OSBPL5: variants seen among roughly 807,000 people sequenced by gnomAD.
OSBPL5 encodes the protein oxysterol-binding protein-related protein 5.
In OSBPL5, 71 loss-of-function variants were observed where a neutral mutation model predicts 111.2. That is an observed-to-expected ratio of 0.64 (90% CI 0.53 to 0.78). The LOEUF is 0.78. Among genes scored for constraint, OSBPL5 ranks in the 30% least tolerant of loss-of-function variants. The pLI, the probability that OSBPL5 is intolerant of heterozygous loss-of-function variation, is 0.00. For synonymous variants in OSBPL5, 549 were observed against 513.9 expected, an observed-to-expected ratio of 1.07 and a Z score of -0.93; for missense variants, 1,210 against 1,189.3, an observed-to-expected ratio of 1.02 and a Z score of -0.26.
intron 1 of OSBPL5, among the ~76,000 whole-genome samples, chr11:3,156,913 C>A (rs542332829): frequency 6.6e-6 from 1 of 152,314 alleles, no homozygotes; most frequent in East Asian, 1.9e-4. Context: ...TTAAGACTTG[C>A]CCATGGCCCC....
intron 3 of OSBPL5, among the ~76,000 whole-genome samples, chr11:3,125,713 G>T (rs186791426): frequency 6.6e-6 from 1 of 151,978 alleles, no homozygotes; most frequent in African/African-American, 2.4e-5. Flanking sequence ...GCTGAGGCAG[G>T]GGCATGGTGT....
chr11:3,150,308 T>TAA (rs199620815), intron 1 of OSBPL5, among the ~76,000 whole-genome samples: 2 of 151,540 alleles, frequency 1.3e-5, no homozygotes, highest in African/African-American at 4.9e-5. Context: ...CAGCTTTTTT[T>TAA]AAAAAAAAAG....
At position 3,094,303 on chromosome 11, in the gene OSBPL5, C is replaced by G. The variant is rs773422443; in HGVS notation, c.1653G>C (p.Leu551=). ...GILYGTMTLE[L]GGKVTIECAK... ...CACACTCGATGGTGACCTTCCCACC[C>G]AGCTCCAGGGTCATCGTGCCATACA... Residue 551 remains leucine (L), a synonymous_variant, in exon 15 of 22, where the codon CTG becomes CTC. Transcript: ENST00000263650. 1 of 1,613,630 alleles carries G rather than the reference C, an allele frequency of 6.2e-7. No individual in the cohort carries two copies. The highest frequency in any genetic ancestry group is 8.5e-7 in the Non-Finnish European group (1 of 1,180,000).
chr11:3,090,739 C>T (rs376738709), intron 19 of OSBPL5, 43 bp from the exon 20 acceptor site: 10 of 1,568,838 alleles, frequency 6.4e-6, no homozygotes, highest in Admixed American at 1.8e-5. Context: ...CCACCCACGC[C>T]CCCTGCCCAG....
chr11:3,159,281 T>C (rs1846882515), intron 1 of OSBPL5, among the ~76,000 whole-genome samples: 6 of 152,118 alleles, frequency 3.9e-5, no homozygotes, highest in Admixed American at 3.9e-4. Context: ...TCTCACTACC[T>C]CTGTAGCTCG....
intron 12 of OSBPL5, 99 bp from the exon 13 acceptor site, chr11:3,101,798 C>T (rs767137987): frequency 4.6e-5 from 44 of 948,786 alleles, no homozygotes; most frequent in African/African-American, 9.8e-5. Context: ...CTGTCCCTGA[C>T]GCCACATCTT....
In OSBPL5 at chr11:3,140,333, C is replaced by T. The variant is rs562384579; in HGVS notation, c.-21-11164G>A. On this transcript the variant is annotated intron_variant, in intron 1 of 21. Coordinates refer to ENST00000263650, the MANE Select transcript of OSBPL5 (RefSeq NM_020896.4). The surrounding 1 kb of genome is among the most constrained non-coding windows in gnomAD (Gnocchi z 4.5). ...AGTGACACACACAGCCAAGCTCTCC[C>T]CTGTATCCCTCAGGTGCTGGACAGG... 1.1e-4 allele frequency among the ~76,000 whole-genome samples: 17 copies of T among 152,284 alleles called. No homozygotes were observed. In the East Asian group the frequency reaches 3.3e-3, roughly 29 times the overall value.
At chr11:3,153,472 C>A (rs972920874) in intron 1 of OSBPL5, among the ~76,000 whole-genome samples, 1 of 152,198 alleles carries the variant, frequency 6.6e-6, no homozygotes, top group Non-Finnish European at 1.5e-5. Context: ...AAAGCCCCCT[C>A]TAGCCTGAAG....
chr11:3,160,901 A>C (rs1846947749), intron 1 of OSBPL5: 1 of 152,132 alleles, frequency 6.6e-6, no homozygotes, highest in Non-Finnish European at 1.5e-5. Flanking sequence ...CCTTGCTCAG[A>C]AGCACAGGGC....
Position 3,096,751 on chromosome 11 carries a change from T to A in OSBPL5, c.1622-2417A>T, listed in dbSNP as rs1857268162. ...CTTCCAATTAATTCAGGGGAGAGCATGAAGGTGGGTGCATTGCTGTGCTGT... is the reference window on the plus strand; with the variant it reads ...CTTCCAATTAATTCAGGGGAGAGCAAGAAGGTGGGTGCATTGCTGTGCTGT... On this transcript the variant is annotated intron_variant, in intron 14 of 21. Coordinates refer to ENST00000263650, the MANE Select transcript of OSBPL5 (RefSeq NM_020896.4). 2.6e-5 allele frequency among the ~76,000 whole-genome samples: 4 copies of A among 152,004 alleles called. No homozygotes were observed. The South Asian group carries it at 8.3e-4, about 32-fold the overall frequency.
Position 3,161,058 on chromosome 11 carries a change from T to A in OSBPL5, c.-22+4158A>T, listed in dbSNP as rs762786636. ...GGATGAAGGGAAGGCGACCCCAGGC[T>A]GGTCACAACAGGCAGCCTGACCAGC... On this transcript the variant is annotated intron_variant, in intron 1 of 21. Coordinates refer to ENST00000263650, the MANE Select transcript of OSBPL5 (RefSeq NM_020896.4). The surrounding 1 kb of genome is among the most constrained non-coding windows in gnomAD (Gnocchi z 8.0). 2 of 152,226 alleles carry A rather than the reference T, an allele frequency of 1.3e-5. No individual in the cohort carries two copies. Among genetic ancestry groups the A allele is most frequent in the Non-Finnish European group, 2.9e-5 (2 of 68,034 alleles). The allele number at this position is 152,226 out of a possible 1,614,324, so 9.4% of individuals were successfully genotyped here.
chr11:3,094,755 T>A (rs961787958), intron 14 of OSBPL5: 1 of 167,078 alleles, frequency 6.0e-6, no homozygotes, highest in African/African-American at 2.4e-5. Context: ...GGCATTGGGC[T>A]CCTGAGGGCA....
At chr11:3,158,461 C>T (rs948240359) in intron 1 of OSBPL5, among the ~76,000 whole-genome samples, 1 of 152,244 alleles carries the variant, frequency 6.6e-6, no homozygotes, top group Non-Finnish European at 1.5e-5. Flanking sequence ...CCTGTCCTGG[C>T]CCCAGGATGT....
chr11:3,110,210 C>A lies in OSBPL5; in HGVS notation c.692-2265G>T, dbSNP rs75909590. Among the ~76,000 whole-genome samples the A allele has an allele frequency of 4.4e-3, 667 of 152,280 alleles. 6 individuals carry two copies. Among genetic ancestry groups the A allele is most frequent in the African/African-American group, 0.015 (634 of 41,546 alleles). ...CCAGACTGCTTTAGGTCTGCACCAC[C>A]GGCGGGATGGGAGCCCTTCACCCCA... On this transcript the variant is annotated intron_variant, in intron 7 of 21. Transcript: ENST00000263650. This position sits in a 1 kb window ranked among gnomAD's most constrained non-coding sequence, Gnocchi z 5.3.
chr11:3,152,739 A>ATT (rs1846629531), intron 1 of OSBPL5, among the ~76,000 whole-genome samples: 1 of 152,200 alleles, frequency 6.6e-6, no homozygotes, highest in Non-Finnish European at 1.5e-5. Context: ...GGCGTTTGAT[A>ATT]CACGCTGCTG....
intron 1 of OSBPL5, among the ~76,000 whole-genome samples, chr11:3,145,337 C>G (rs1442198278): frequency 6.6e-6 from 1 of 152,234 alleles, no homozygotes; most frequent in African/African-American, 2.4e-5. Flanking sequence ...TCAGCAGGGC[C>G]CACAATTCTG....
At chr11:3,124,760 TC>T (rs1858545231) in intron 3 of OSBPL5, among the ~76,000 whole-genome samples, 1 of 152,090 alleles carries the variant, frequency 6.6e-6, no homozygotes, top group Non-Finnish European at 1.5e-5. Flanking sequence ...TACTGCCCAT[TC>T]ACACCGGCAG....
intron 21 of OSBPL5, 60 bp from the exon 22 acceptor site, chr11:3,088,403 C>A: frequency 1.4e-6 from 2 of 1,425,210 alleles, no homozygotes; most frequent in African/African-American, 1.4e-5. Flanking sequence ...CCCCCTCCCA[C>A]AAGCCAGGAC....
At chr11:3,112,023 G>GC (rs1491448069) in intron 7 of OSBPL5, among the ~76,000 whole-genome samples, 1 of 55,938 alleles carries the variant, frequency 1.8e-5, no homozygotes, top group African/African-American at 4.6e-5. Context: ...GCATGTGTGT[G>GC]CATGTGTGTG....
Sources: gnomAD v4.1 joint callset for allele counts (sites outside exome capture counted in the v4.1 genomes callset) on GRCh38, gnomAD v4.1.1 for gene constraint, Gnocchi (gnomAD v3.1) non-coding constraint, MANE v1.5 for transcripts, NCBI Gene and HGNC (gene_info 2026-07-23, HGNC 2026-07-21) for gene names.